PARVB: variants seen among roughly 807,000 people sequenced by gnomAD.
The protein encoded by PARVB is beta-parvin.
Under a neutral mutation model 47.0 loss-of-function variants are expected in PARVB, and 46 were observed. That is an observed-to-expected ratio of 0.98 (90% CI 0.77 to 1.25). The LOEUF (loss-of-function observed/expected upper bound fraction) is 1.25, where lower values mean the gene tolerates loss of function less well. Ranked by LOEUF, PARVB falls within the 50% of genes most tolerant of loss-of-function variation. The pLI, the probability that PARVB is intolerant of heterozygous loss-of-function variation, is 0.00. For synonymous variants in PARVB, 196 were observed against 196.3 expected, an observed-to-expected ratio of 1.00 and a Z score of 0.01; for missense variants, 473 against 471.6, an observed-to-expected ratio of 1.00 and a Z score of -0.03.
intron 11 of PARVB, among the ~76,000 whole-genome samples, chr22:44,163,457 T>C (rs952058306): frequency 2.6e-5 from 4 of 152,124 alleles, no homozygotes; most frequent in African/African-American, 9.7e-5. Context: ...TAGCCTGCGC[T>C]CTAGACCCTG....
At chr22:44,063,747 C>A (rs896531496) in intron 1 of PARVB, among the ~76,000 whole-genome samples, 1 of 152,094 alleles carries the variant, frequency 6.6e-6, no homozygotes, top group African/African-American at 2.4e-5. Flanking sequence ...TCACAGAGGG[C>A]ATGGTCTGTG....
At chr22:44,115,916 CAGAT>C (rs2052884875) in intron 3 of PARVB, 4 of 151,498 alleles carry the variant, frequency 2.6e-5, no homozygotes, top group Non-Finnish European at 4.4e-5. Context: ...TGCACCAACA[CAGAT>C]ACATTGTTAC....
At chr22:44,131,931 C>T (rs1378370316) in intron 5 of PARVB, among the ~76,000 whole-genome samples, 1 of 152,176 alleles carries the variant, frequency 6.6e-6, no homozygotes, top group African/African-American at 2.4e-5. Context: ...GAGAAGCAGC[C>T]TTGGGGGGTT....
intron 1 of PARVB, among the ~76,000 whole-genome samples, chr22:44,084,660 G>C (rs1601578678): frequency 6.6e-6 from 1 of 152,334 alleles, no homozygotes; most frequent in Non-Finnish European, 1.5e-5. Flanking sequence ...TTATTATTCT[G>C]CAGTCATCTG....
chr22:44,009,624 AAT>A (rs770605598), intron 2 of PARVB: 10 of 150,892 alleles, frequency 6.6e-5, no homozygotes, highest in East Asian at 1.9e-4. Flanking sequence ...TGATATATGT[AAT>A]ATGTTTATTA....
chr22:44,066,780 T>TCTTCTCCTCCTCCTCCTTCTC (rs752513022), intron 1 of PARVB, among the ~76,000 whole-genome samples: 8 of 48,110 alleles, frequency 1.7e-4, no homozygotes, highest in East Asian at 1.7e-3. Flanking sequence ...CTTAATTATT[T>TCTTCTCCTCCTCCTCCTTCTC]CTCCTCCTCC....
In PARVB at chr22:44,164,030, A is replaced by G. The variant is rs113692918; in HGVS notation, c.1018+100A>G. The G allele has an allele frequency of 2.1e-3, 1,759 of 836,708 alleles. 20 individuals are homozygous for G. In the African/African-American group the frequency reaches 0.026, roughly 13 times the overall value. 51.8% of individuals were successfully genotyped at this position (836,708 alleles called of 1,614,324 possible). A position where few individuals can be genotyped will look rare whatever the true frequency, so the allele number is the denominator to read the frequency against. ...GGAAGGCTGGCATGTTGTTCCCCAG[A>G]TGGGCCCCACGTCTCTGGCTCTGGG... On this transcript the variant is annotated intron_variant, in intron 12 of 12. Transcript: ENST00000338758.
chr22:44,168,607 GT>G lies in PARVB; in HGVS notation c.1026del (p.Asn343ThrfsTer8). The part of the protein sequence containing the change: ...KKPKARPEDV[V>X]NLDLKSTLRV... ...TTCTCTGTTTCCTTCTGCAGACGTG[GT>G]TAACTTGGACCTCAAATCCACCCTG... is the stretch of plus-strand genomic sequence containing the variant. On this transcript the variant is annotated frameshift_variant, in exon 13 of 13. Coordinates refer to ENST00000338758, the MANE Select transcript of PARVB (RefSeq NM_013327.5). LOFTEE classifies it high-confidence loss of function. The G allele has an allele frequency of 6.2e-7, 1 of 1,610,966 alleles. No individual in the cohort carries two copies. The highest frequency in any genetic ancestry group is 8.5e-7 in the Non-Finnish European group (1 of 1,177,236).
At chr22:44,001,885 T>C (rs1048018901) in intron 2 of PARVB, among the ~76,000 whole-genome samples, 11 of 152,236 alleles carry the variant, frequency 7.2e-5, no homozygotes, top group Non-Finnish European at 1.5e-5. Flanking sequence ...TTGAGACATA[T>C]GAGCCCCTGT....
chr22:44,122,552 GACAC>G (rs370648748), intron 4 of PARVB, among the ~76,000 whole-genome samples: 2,151 of 70,178 alleles, frequency 0.031, 70 homozygotes, highest in African/African-American at 0.042. Flanking sequence ...GAGAGAGAGA[GACAC>G]AGAGACAGAG....
Position 44,068,968 on chromosome 22 carries a change from C to T in PARVB, c.113-24960C>T. 1.6e-6 allele frequency: 1 copy of T among 625,586 alleles called. No homozygotes were observed. The allele number at this position is 625,586 out of a possible 1,614,324, so 38.8% of individuals were successfully genotyped here. On this transcript the variant is annotated intron_variant, in intron 1 of 12. Transcript: ENST00000338758. This position sits in a 1 kb window ranked among gnomAD's most constrained non-coding sequence, Gnocchi z 4.1. ...GTCAGCAAGGAGCTATCGCTGGAAACACCCCGGTCCTTCCACAGCCTGACC... is the reference window on the plus strand; with the variant it reads ...GTCAGCAAGGAGCTATCGCTGGAAATACCCCGGTCCTTCCACAGCCTGACC...
At chr22:44,072,335 C>T (rs1001628782) in intron 1 of PARVB, among the ~76,000 whole-genome samples, 1 of 152,170 alleles carries the variant, frequency 6.6e-6, no homozygotes, top group Non-Finnish European at 1.5e-5. Flanking sequence ...TCTCACCACC[C>T]TTTTGGGTTG....
chr22:44,132,701 G>A (rs1015125471), intron 5 of PARVB, among the ~76,000 whole-genome samples, 193 bp from the exon 6 acceptor site: 22 of 152,258 alleles, frequency 1.4e-4, no homozygotes, highest in Admixed American at 6.5e-4. Flanking sequence ...TAGGCCAACA[G>A]GAAAGGAGAC....
intron 1 of PARVB, among the ~76,000 whole-genome samples, chr22:44,076,671 C>T (rs1014432184): frequency 1.3e-5 from 2 of 152,146 alleles, no homozygotes; most frequent in Non-Finnish European, 2.9e-5. Context: ...TCTCTGTGCA[C>T]CCTCCTCTAG....
chr22:44,059,039 C>CT lies in PARVB; in HGVS notation c.112+34610dup, dbSNP rs11296450. Among the ~76,000 whole-genome samples the CT allele has an allele frequency of 7.6e-3, 555 of 73,058 alleles. 14 individuals are homozygous for CT. Among genetic ancestry groups the CT allele is most frequent in the South Asian group, 0.024 (34 of 1,412 alleles). The allele number at this position is 73,058 out of a possible 152,430, so 47.9% of individuals were successfully genotyped here. ...CTTCTTAGTTCTGCACACCCTGTGGCTTTTTTTTTTTTTTTTTTTTTTCTG... is the reference window on the plus strand; with the variant it reads ...CTTCTTAGTTCTGCACACCCTGTGGCTTTTTTTTTTTTTTTTTTTTTTTCTG... On this transcript the variant is annotated intron_variant, in intron 1 of 12. Transcript: ENST00000338758.
At position 44,024,424 on chromosome 22, in the gene PARVB, C is replaced by A; in HGVS notation, c.85C>A (p.Leu29Met). 8.1e-7 allele frequency: 1 copy of A among 1,238,526 alleles called. No individual in the cohort carries two copies. Among genetic ancestry groups the A allele is most frequent in the South Asian group, 2.2e-5 (1 of 45,074 alleles). 76.7% of individuals were successfully genotyped at this position (1,238,526 alleles called of 1,614,324 possible). A position where few individuals can be genotyped will look rare whatever the true frequency, so the allele number is the denominator to read the frequency against. ...GTTCCTGGGCAAGCTGGGCGGCACCCTGGCCAGGAAGCGGAGGGCGCGCGA... is the reference window on the plus strand; with the variant it reads ...GTTCCTGGGCAAGCTGGGCGGCACCATGGCCAGGAAGCGGAGGGCGCGCGA... ...ESFLGKLGGT[L>M]ARKRRAREVS... The change falls in exon 1 of 13, where the codon CTG (leucine) becomes ATG (methionine). Residue 29 changes from leucine (L) to methionine (M), a missense_variant. By Grantham distance (15) the Leu-to-Met change is conservative. Coordinates refer to ENST00000338758, the MANE Select transcript of PARVB (RefSeq NM_013327.5).
At chr22:44,021,765 A>T (rs1002638224), upstream of PARVB, among the ~76,000 whole-genome samples, 10 of 34,396 alleles carry the variant, frequency 2.9e-4, no homozygotes, top group East Asian at 5.9e-3. Flanking sequence ...AGACTCACAC[A>T]CACACACACA....
At chr22:44,007,642 G>A (rs1329706968) in intron 2 of PARVB, among the ~76,000 whole-genome samples, 1 of 152,156 alleles carries the variant, frequency 6.6e-6, no homozygotes, top group African/African-American at 2.4e-5. Flanking sequence ...CCTGATTTAT[G>A]TGGGTTTGAC....
intron 1 of PARVB, among the ~76,000 whole-genome samples, chr22:44,083,114 T>C (rs753322836): frequency 5.3e-5 from 8 of 152,148 alleles, no homozygotes; most frequent in Non-Finnish European, 8.8e-5. Context: ...ATCAGGGTAA[T>C]TGGGTTCCTT....
Sources: gnomAD v4.1 joint callset for allele counts (sites outside exome capture counted in the v4.1 genomes callset) on GRCh38, gnomAD v4.1.1 for gene constraint, Gnocchi (gnomAD v3.1) non-coding constraint, MANE v1.5 for transcripts, NCBI Gene and HGNC (gene_info 2026-07-23, HGNC 2026-07-21) for gene names.